Variants in KIAA0825 observed in about 807,000 individuals in gnomAD.
KIAA0825 encodes the protein uncharacterized protein KIAA0825.
KIAA0825 carries 119 observed loss-of-function variants against 147.6 expected under a neutral mutation model. The observed-to-expected ratio is 0.81, with a 90% CI of 0.69 to 0.94. KIAA0825 has a LOEUF of 0.94. Among genes scored for constraint, KIAA0825 ranks in the 40% least tolerant of loss-of-function variants. The pLI, the probability that KIAA0825 is intolerant of heterozygous loss-of-function variation, is 0.00. For synonymous variants in KIAA0825, 470 were observed against 518.1 expected (o/e 0.91, Z 1.26); for missense variants, 1,381 against 1,472.7 (o/e 0.94, Z 1.02).
At chr5:94,178,777 C>G (rs1424734085) in intron 20 of KIAA0825, among the ~76,000 whole-genome samples, 3 of 151,964 alleles carry the variant, frequency 2.0e-5, no homozygotes, top group Non-Finnish European at 4.4e-5. Context: ...AAATATACAC[C>G]TACCATATCA....
intron 20 of KIAA0825, among the ~76,000 whole-genome samples, chr5:94,228,603 A>G (rs2150079847): frequency 6.6e-6 from 1 of 152,282 alleles, no homozygotes; most frequent in East Asian, 1.9e-4. Flanking sequence ...AAGTCACATG[A>G]CCACATCTAG....
intron 3 of KIAA0825, among the ~76,000 whole-genome samples, chr5:94,532,418 G>A (rs1436878368): frequency 2.0e-5 from 3 of 152,034 alleles, no homozygotes; most frequent in African/African-American, 7.2e-5. Flanking sequence ...GCCTCTCAAA[G>A]TGCTGCGATT....
At chr5:94,406,008 C>T (rs531807112) in intron 15 of KIAA0825, among the ~76,000 whole-genome samples, 3 of 152,142 alleles carry the variant, frequency 2.0e-5, no homozygotes, top group South Asian at 2.1e-4. Context: ...CTCACTGCAA[C>T]CTCCGCGTCC....
chr5:94,574,274 G>T (rs1264452797), intron 2 of KIAA0825, among the ~76,000 whole-genome samples: 1 of 152,154 alleles, frequency 6.6e-6, no homozygotes, highest in African/African-American at 2.4e-5. Flanking sequence ...GCCGGGCGTG[G>T]TGGCTCATGC....
chr5:94,176,848 A>C (rs2149964604), intron 20 of KIAA0825, among the ~76,000 whole-genome samples: 1 of 152,246 alleles, frequency 6.6e-6, no homozygotes, highest in South Asian at 2.1e-4. Context: ...TACTGCTGAG[A>C]TATGCTGCAT....
At chr5:94,437,823 T>G (rs1756567527) in intron 14 of KIAA0825, among the ~76,000 whole-genome samples, 1 of 152,206 alleles carries the variant, frequency 6.6e-6, no homozygotes, top group African/African-American at 2.4e-5. Flanking sequence ...TTGTTAGATA[T>G]TATCCTTGTC....
intron 5 of KIAA0825, among the ~76,000 whole-genome samples, chr5:94,515,229 A>G (rs1025646690): frequency 1.3e-5 from 2 of 152,222 alleles, no homozygotes; most frequent in Non-Finnish European, 2.9e-5. Flanking sequence ...TTTTAAAAGT[A>G]AAATTAATTT....
chr5:94,533,026 T>TG (rs1263175420), intron 3 of KIAA0825, among the ~76,000 whole-genome samples: 1 of 151,228 alleles, frequency 6.6e-6, no homozygotes, highest in Non-Finnish European at 1.5e-5. Context: ...TCGCCCAGGC[T>TG]GGAGTGCAGT....
At chr5:94,564,995 T>TCTCTCTCTCTCTCC (rs1345250609) in intron 2 of KIAA0825, among the ~76,000 whole-genome samples, 1 of 130,176 alleles carries the variant, frequency 7.7e-6, no homozygotes, top group East Asian at 2.1e-4. Context: ...TCTCTTCTCC[T>TCTCTCTCTCTCTCC]CTCTCTCTCT....
chr5:94,484,675 G>A, intron 6 of KIAA0825, 94 bp downstream of exon 6: 1 of 820,144 alleles, frequency 1.2e-6, no homozygotes, highest in South Asian at 2.6e-5. Context: ...TTTCATGTGT[G>A]TTTTTTTCAA....
intron 20 of KIAA0825, among the ~76,000 whole-genome samples, chr5:94,270,928 G>A (rs1310825225): frequency 6.6e-6 from 1 of 152,042 alleles, no homozygotes; most frequent in Admixed American, 6.6e-5. Context: ...CCACAAAGTT[G>A]GAATAATATT....
chr5:94,371,646 C>A (rs1746724748), intron 20 of KIAA0825, among the ~76,000 whole-genome samples: 1 of 152,148 alleles, frequency 6.6e-6, no homozygotes, highest in African/African-American at 2.4e-5. Flanking sequence ...ATTCAGTTAC[C>A]TCCTACCGAG....
chr5:94,221,786 T>C (rs1313532379), intron 20 of KIAA0825, among the ~76,000 whole-genome samples: 5 of 152,200 alleles, frequency 3.3e-5, no homozygotes, highest in African/African-American at 9.6e-5. Flanking sequence ...GAGGAACAAA[T>C]ACAGAGGTCT....
At chr5:94,478,399 G>C (rs1020724764) in intron 6 of KIAA0825, among the ~76,000 whole-genome samples, 1 of 151,654 alleles carries the variant, frequency 6.6e-6, no homozygotes, top group Non-Finnish European at 1.5e-5. Flanking sequence ...TAAAGTGACA[G>C]AACACTGCAA....
intron 20 of KIAA0825, among the ~76,000 whole-genome samples, chr5:94,382,549 G>A (rs1748564991): frequency 6.6e-6 from 1 of 152,202 alleles, no homozygotes; most frequent in African/African-American, 2.4e-5. Flanking sequence ...TAGCTTTGCA[G>A]TAGAATGATT....
chr5:94,393,040 C>T (rs1176639131), intron 17 of KIAA0825, among the ~76,000 whole-genome samples: 1 of 151,750 alleles, frequency 6.6e-6, no homozygotes, highest in Non-Finnish European at 1.5e-5. Flanking sequence ...AAAGTTGAGG[C>T]CTTTTAAACA....
chr5:94,280,552 G>A (rs1344681679), intron 20 of KIAA0825, among the ~76,000 whole-genome samples: 2 of 151,934 alleles, frequency 1.3e-5, no homozygotes, highest in Admixed American at 6.6e-5. Flanking sequence ...TGCAAACCAC[G>A]TGAATATAAA....
intron 2 of KIAA0825, among the ~76,000 whole-genome samples, chr5:94,541,067 A>C (rs1773202118): frequency 6.6e-6 from 1 of 152,224 alleles, no homozygotes; most frequent in African/African-American, 2.4e-5. Flanking sequence ...TTGTGAAAGA[A>C]TTTATGAAAG....
intron 20 of KIAA0825, among the ~76,000 whole-genome samples, chr5:94,329,002 T>G (rs1780995457): frequency 6.6e-6 from 1 of 152,072 alleles, no homozygotes; most frequent in Non-Finnish European, 1.5e-5. Flanking sequence ...TTCTAGGTGG[T>G]TATGGGGAAA....
Sources: allele counts gnomAD v4.1 joint callset (sites outside exome capture counted in the v4.1 genomes callset), GRCh38; gene constraint gnomAD v4.1.1; transcripts MANE v1.5; gene names NCBI Gene and HGNC (gene_info 2026-07-23, HGNC 2026-07-21).